Variants in AP4E1 observed in about 807,000 individuals in gnomAD.
The protein encoded by AP4E1 is adaptor related protein complex 4 subunit epsilon 1.
AP4E1 carries 56 observed loss-of-function variants against 128.2 expected under a neutral mutation model. The ratio of observed to expected loss-of-function variants is 0.44; its 90% CI spans 0.35 to 0.55. The LOEUF (loss-of-function observed/expected upper bound fraction) is 0.55, where lower values mean the gene tolerates loss of function less well. Among genes scored for constraint, AP4E1 ranks in the 20% least tolerant of loss-of-function variants. The pLI is 0.00. For missense variants in AP4E1, 1,324 were observed against 1,307.7 expected (o/e 1.01, Z -0.19); for synonymous variants, 484 against 473.1 (o/e 1.02, Z -0.30).
intron 5 of AP4E1, 107 bp downstream of exon 5, chr15:50,925,326 G>A: frequency 8.3e-7 from 1 of 1,211,686 alleles, no homozygotes; most frequent in South Asian, 1.3e-5. Context: ...GAGATTATTT[G>A]ACTGCTAGGA....
At chr15:50,957,671 CTTTTTT>C (rs61656848) in intron 13 of AP4E1, among the ~76,000 whole-genome samples, 21 of 87,982 alleles carry the variant, frequency 2.4e-4, no homozygotes, top group African/African-American at 9.3e-4. Context: ...ACAAGCGTTT[CTTTTTT>C]TTTTTTTTTT....
intron 16 of AP4E1, among the ~76,000 whole-genome samples, chr15:50,988,361 C>T (rs1313532494): frequency 6.6e-6 from 1 of 151,842 alleles, no homozygotes; most frequent in African/African-American, 2.4e-5. Flanking sequence ...ATTGCCTAGG[C>T]TGGAGTGCAG....
At chr15:50,961,547 A>G (rs927499820) in intron 14 of AP4E1, among the ~76,000 whole-genome samples, 5 of 152,090 alleles carry the variant, frequency 3.3e-5, no homozygotes, top group Non-Finnish European at 7.4e-5. Context: ...CATTTGGTAG[A>G]ATCCAACATC....
In AP4E1 at chr15:50,993,525, A is replaced by G; in HGVS notation, c.2246A>G (p.Asp749Gly). ...GTAGATCAAGCTATAACTAAAAAGG[A>G]TCAATCTCAAGTTCTTACCCAATCT... ...ENVDQAITKK[D>G]QSQVLTQSKE... The change falls in exon 17 of 21, where the codon GAT (aspartate) becomes GGT (glycine). Residue 749 changes from aspartate to glycine, a missense_variant. By Grantham distance (94) the Asp-to-Gly change is moderately conservative. Transcript: ENST00000261842. 6.2e-7 allele frequency: 1 copy of G among 1,614,032 alleles called. No homozygotes were observed. Among genetic ancestry groups the G allele is most frequent in the East Asian group, 2.2e-5 (1 of 44,844 alleles).
rs1567266529 is a variant in AP4E1 at position 50,997,513 on chromosome 15, A to G, written c.2534A>G (p.Lys845Arg). 4 of 1,614,086 alleles carry G rather than the reference A, an allele frequency of 2.5e-6. No individual in the cohort carries two copies. In the Middle Eastern group the frequency reaches 5.0e-4, roughly 200 times the overall value. Residue 845 changes from lysine (K) to arginine (R), a missense_variant, in exon 18 of 21, where the codon AAA (lysine) becomes AGA (arginine). Coordinates refer to ENST00000261842, the MANE Select transcript of AP4E1 (RefSeq NM_007347.5). Reference protein sequence around the residue: ...LHDTGDKELKKFSLTSELLDS... With the variant: ...LHDTGDKELKRFSLTSELLDS... ...GATACAGGAGACAAGGAATTAAAGA[A>G]ATTTTCTCTCACTTCAGAACTTTTG...
In AP4E1 at chr15:51,003,194, TAGG is replaced by T. The variant is rs2064985373; in HGVS notation, c.*535_*537del. On this transcript the variant is annotated 3_prime_UTR_variant, in exon 21 of 21. Transcript: ENST00000261842. The stretch of plus-strand genomic sequence containing the variant: ...TTGGCATAGCACACACTAACAGTTG[TAGG>T]AGATCCATGAGCATGCTGGATATTG... 6.4e-6 allele frequency: 1 copy of T among 155,918 alleles called. No homozygotes were observed. Among genetic ancestry groups the T allele is most frequent in the African/African-American group, 2.4e-5 (1 of 41,474 alleles). 9.7% of individuals were successfully genotyped at this position (155,918 alleles called of 1,614,324 possible).
intron 17 of AP4E1, among the ~76,000 whole-genome samples, chr15:50,997,092 G>A (rs929190389): frequency 9.9e-5 from 15 of 151,910 alleles, no homozygotes; most frequent in African/African-American, 3.4e-4. Context: ...TTTCTTCTTC[G>A]GATTCCATGT....
chr15:50,962,123 A>G (rs1381219041), intron 14 of AP4E1, among the ~76,000 whole-genome samples: 1 of 152,126 alleles, frequency 6.6e-6, no homozygotes, highest in East Asian at 1.9e-4. Context: ...TGAAGAGGAT[A>G]CAAACAAATG....
At chr15:50,975,423 G>A (rs570521550) in intron 15 of AP4E1, among the ~76,000 whole-genome samples, 1 of 152,256 alleles carries the variant, frequency 6.6e-6, no homozygotes, top group African/African-American at 2.4e-5. Flanking sequence ...GAGTTTTACA[G>A]TTTTGGGTCT....
chr15:50,917,282 T>A (rs150986563), intron 3 of AP4E1, among the ~76,000 whole-genome samples: 2 of 152,336 alleles, frequency 1.3e-5, no homozygotes, highest in East Asian at 3.9e-4. Context: ...TTTGGAAATG[T>A]TTACAATTCA....
chr15:50,985,742 A>C (rs539050115), intron 16 of AP4E1, among the ~76,000 whole-genome samples: 235 of 152,160 alleles, frequency 1.5e-3, no homozygotes, highest in African/African-American at 5.4e-3. Context: ...AGTCAGGTAG[A>C]GTGATGCCTC....
Sources: gnomAD v4.1 joint callset for allele counts (sites outside exome capture counted in the v4.1 genomes callset) on GRCh38, gnomAD v4.1.1 for gene constraint, MANE v1.5 for transcripts, NCBI Gene and HGNC (gene_info 2026-07-23, HGNC 2026-07-21) for gene names.